RYR3: variants seen among roughly 807,000 people sequenced by gnomAD.
RYR3 encodes ryanodine receptor 3.
In RYR3, 207 loss-of-function variants were observed where a neutral mutation model predicts 584.3. The observed-to-expected ratio is 0.35, with a 90% CI of 0.32 to 0.40. The LOEUF (loss-of-function observed/expected upper bound fraction) is 0.40. Among genes scored for constraint, RYR3 ranks in the 10% least tolerant of loss-of-function variants. RYR3 has a pLI of 1.00. For synonymous variants in RYR3, 2,416 were observed against 2,248.5 expected, an observed-to-expected ratio of 1.07 and a Z score of -2.11; for missense variants, 5,616 against 6,089.2, an observed-to-expected ratio of 0.92 and a Z score of 2.59.
rs1349610758 is a variant in RYR3 at position 33,838,914 on chromosome 15, C to T, written c.12934C>T (p.Pro4312Ser). The T allele has an allele frequency of 1.2e-6, 2 of 1,613,802 alleles. No homozygotes were observed. The highest frequency in any genetic ancestry group is 2.2e-5 in the East Asian group (1 of 44,886). Residue 4312 changes from proline (P) to serine (S), a missense_variant, in exon 89 of 104, where the codon CCC becomes TCC. Transcript: ENST00000634891. ...DLSEIIGKDE[P>S]PTLESTVQKK... ...CTCAGAAATTATTGGCAAGGATGAA[C>T]CCCCTACATTAGAGAGTACTGTACA...
Position 33,601,405 on chromosome 15 carries a change from G to C in RYR3, c.1789-14G>C. 2 of 1,610,884 alleles carry C rather than the reference G, an allele frequency of 1.2e-6. No homozygotes were observed. Among genetic ancestry groups the C allele is most frequent in the Non-Finnish European group, 1.7e-6 (2 of 1,178,630 alleles). ...CTGGTGGTCCTAAGGTTTGGTGGGT[G>C]TGTCCTGCTGCAGGTTCTGGATATC... is the stretch of plus-strand genomic sequence containing the variant. On this transcript the variant is annotated splice_polypyrimidine_tract_variant and intron_variant, in intron 16 of 103. Transcript: ENST00000634891.
At chr15:33,349,550 C>CT in intron 1 of RYR3, among the ~76,000 whole-genome samples, 1 of 150,544 alleles carries the variant, frequency 6.6e-6, no homozygotes. Flanking sequence ...TTTTCATATG[C>CT]TTTTTTCCTC....
chr15:33,716,738 C>CT (rs1396212135), intron 43 of RYR3, among the ~76,000 whole-genome samples: 1 of 152,176 alleles, frequency 6.6e-6, no homozygotes, highest in Non-Finnish European at 1.5e-5. Flanking sequence ...ATAGTGATAA[C>CT]TGAGTGTCTT....
At chr15:33,676,442 A>G (rs1280084124) in intron 38 of RYR3, among the ~76,000 whole-genome samples, 1 of 152,180 alleles carries the variant, frequency 6.6e-6, no homozygotes, top group Non-Finnish European at 1.5e-5. Flanking sequence ...GTGACAACAA[A>G]AAGTATTTTT....
chr15:33,580,181 G>A (rs1252780542), intron 13 of RYR3, 37 bp downstream of exon 13: 1 of 1,498,930 alleles, frequency 6.7e-7, no homozygotes, highest in Admixed American at 2.0e-5. Flanking sequence ...TTCACTTAGT[G>A]TCCAGAGCTA....
Position 33,838,410 on chromosome 15 carries a change from A to G in RYR3, c.12430A>G (p.Met4144Val), listed in dbSNP as rs1171244465. Reference protein sequence around the residue: ...GSLEPASAFAMACASVKRNVT... With the variant: ...GSLEPASAFAVACASVKRNVT... ...TCTTGAGCCGGCCTCTGCATTTGCT[A>G]TGGCCTGTGCCTCTGTGAAGAGGAA... Residue 4144 changes from methionine (M) to valine (V), a missense_variant, in exon 89 of 104, where the codon ATG becomes GTG. This residue lies in a region of RYR3 where 918 missense variants were observed against 887.4 expected (regional missense o/e 1.03). Transcript: ENST00000634891. The G allele has an allele frequency of 2.5e-6, 4 of 1,613,920 alleles. No individual in the cohort carries two copies. Among genetic ancestry groups the G allele is most frequent in the African/African-American group, 1.3e-5 (1 of 74,926 alleles).
Position 33,793,926 on chromosome 15 carries a change from A to C in RYR3, c.9830+5468A>C, listed in dbSNP as rs201245935. Among the ~76,000 whole-genome samples, 869 of 95,366 alleles carry C rather than the reference A, an allele frequency of 9.1e-3. 18 individuals carry two copies. The highest frequency in any genetic ancestry group is 0.027 in the African/African-American group (819 of 29,896). The allele number at this position is 95,366 out of a possible 152,430, so 62.6% of individuals were successfully genotyped here. On this transcript the variant is annotated intron_variant, in intron 67 of 103. Coordinates refer to ENST00000634891, the MANE Select transcript of RYR3 (RefSeq NM_001036.6). Reference sequence around the variant, plus strand: ...AACACCTTACACACACACACACTCTATATATATACATATATAAATATATAT... The same window carrying C: ...AACACCTTACACACACACACACTCTCTATATATACATATATAAATATATAT...
At chr15:33,861,237 G>A in intron 102 of RYR3, 59 bp downstream of exon 102, 5 of 1,249,486 alleles carry the variant, frequency 4.0e-6, no homozygotes, top group Non-Finnish European at 5.7e-6. Flanking sequence ...AGCCAATTAG[G>A]TCATATAGTT....
chr15:33,405,168 C>G (rs1305413262), intron 1 of RYR3, among the ~76,000 whole-genome samples: 1 of 152,108 alleles, frequency 6.6e-6, no homozygotes, highest in East Asian at 1.9e-4. Flanking sequence ...CTTTGGTTTT[C>G]TTGCAGGAGT....
In RYR3 at chr15:33,863,972, T is replaced by G. The variant is rs527502031; in HGVS notation, c.14466-166T>G. 2.6e-5 allele frequency among the ~76,000 whole-genome samples: 4 copies of G among 152,300 alleles called. No individual in the cohort carries two copies. The East Asian group carries it at 7.7e-4, about 29-fold the overall frequency. ...ATTTTGAGATTCATGTGTGCTACTA[T>G]TAGAAAATGATGGTTTGTGTCCTTA... is the stretch of plus-strand genomic sequence containing the variant. On this transcript the variant is annotated intron_variant, in intron 102 of 103. Coordinates refer to ENST00000634891, the MANE Select transcript of RYR3 (RefSeq NM_001036.6).
At chr15:33,544,318 C>G (rs555312132) in intron 8 of RYR3, among the ~76,000 whole-genome samples, 1 of 151,896 alleles carries the variant, frequency 6.6e-6, no homozygotes, top group East Asian at 1.9e-4. Context: ...AAAAGCTTGG[C>G]CTTGTAACTA....
At chr15:33,846,758 T>TA (rs1457885637) in intron 93 of RYR3, among the ~76,000 whole-genome samples, 1 of 152,198 alleles carries the variant, frequency 6.6e-6, no homozygotes, top group Non-Finnish European at 1.5e-5. Flanking sequence ...CTCTGCCACT[T>TA]AAACTCCCAG....
chr15:33,399,343 A>G (rs545183970), intron 1 of RYR3, among the ~76,000 whole-genome samples: 1 of 152,308 alleles, frequency 6.6e-6, no homozygotes, highest in East Asian at 1.9e-4. Context: ...CTAAATTAAA[A>G]AAGTGAACCC....
At chr15:33,737,873 G>A (rs1208143002) in intron 49 of RYR3, among the ~76,000 whole-genome samples, 2 of 152,088 alleles carry the variant, frequency 1.3e-5, no homozygotes, top group Non-Finnish European at 1.5e-5. Flanking sequence ...AACATTACTG[G>A]TAACTTCTGC....
intron 12 of RYR3, among the ~76,000 whole-genome samples, chr15:33,567,000 A>G (rs1251622453): frequency 6.6e-6 from 1 of 152,242 alleles, no homozygotes; most frequent in Non-Finnish European, 1.5e-5. Context: ...TGTTCAACAG[A>G]TGCCCAAGCC....
intron 1 of RYR3, among the ~76,000 whole-genome samples, chr15:33,379,974 C>T (rs1186629913): frequency 6.6e-6 from 1 of 151,994 alleles, no homozygotes; most frequent in Non-Finnish European, 1.5e-5. Flanking sequence ...AAGCAGCCAG[C>T]ATTAGAGAAA....
chr15:33,428,169 C>T (rs2044804485), intron 1 of RYR3, among the ~76,000 whole-genome samples: 1 of 152,176 alleles, frequency 6.6e-6, no homozygotes, highest in Non-Finnish European at 1.5e-5. Flanking sequence ...TCCAGATAAG[C>T]TTATTGTTCA....
intron 2 of RYR3, among the ~76,000 whole-genome samples, chr15:33,483,634 A>T (rs2050165355): frequency 1.3e-5 from 2 of 152,202 alleles, no homozygotes; most frequent in South Asian, 4.1e-4. Context: ...TTGAAAACCA[A>T]ATTTTGCCAT....
intron 69 of RYR3, among the ~76,000 whole-genome samples, chr15:33,806,904 C>T (rs1596702240): frequency 6.6e-6 from 1 of 151,718 alleles, no homozygotes; most frequent in East Asian, 1.9e-4. Context: ...TAACACACAA[C>T]CCCACACCCA....
Sources: gnomAD v4.1 joint callset for allele counts (sites outside exome capture counted in the v4.1 genomes callset) on GRCh38, gnomAD v4.1.1 for gene constraint, gnomAD v4.1.1 regional missense constraint, MANE v1.5 for transcripts, NCBI Gene and HGNC (gene_info 2026-07-23, HGNC 2026-07-21) for gene names.